The following SETD2 variants were observed in gnomAD, a reference collection of about 807,000 sequenced individuals.
SETD2 encodes SET domain containing 2, histone lysine methyltransferase.
SETD2 carries 31 observed loss-of-function variants against 242.1 expected under a neutral mutation model. The ratio of observed to expected loss-of-function variants is 0.13; its 90% CI spans 0.10 to 0.17. The LOEUF (loss-of-function observed/expected upper bound fraction) is 0.17, where lower values mean the gene tolerates loss of function less well. Among genes scored for constraint, SETD2 ranks in the 10% least tolerant of loss-of-function variants. SETD2 has a pLI of 1.00. For synonymous variants in SETD2, 1,006 were observed against 1,066.5 expected, an observed-to-expected ratio of 0.94 and a Z score of 1.11; for missense variants, 2,481 against 3,046.3, an observed-to-expected ratio of 0.81 and a Z score of 4.37.
At chr3:47,155,838 G>T (rs1011471112) in intron 1 of SETD2, among the ~76,000 whole-genome samples, 43 of 151,692 alleles carry the variant, frequency 2.8e-4, no homozygotes, top group African/African-American at 1.0e-3. Flanking sequence ...TTTTGTTTTT[G>T]TTGTTTTTTT....
chr3:47,148,205 A>T (rs528687537), intron 1 of SETD2, among the ~76,000 whole-genome samples: 2 of 152,078 alleles, frequency 1.3e-5, no homozygotes, highest in South Asian at 4.2e-4. Flanking sequence ...ATCTCAGCTC[A>T]CTGCAACCTC....
At chr3:47,027,408 T>C (rs7637302) in intron 18 of SETD2, among the ~76,000 whole-genome samples, 82,782 of 148,092 alleles carry the variant, frequency 0.56, 23,230 homozygotes, top group Non-Finnish European at 0.58. Flanking sequence ...CCAGGGACTG[T>C]TGTGGGGTGG....
chr3:47,049,304 AATATATAT>A (rs55952850), intron 15 of SETD2, among the ~76,000 whole-genome samples: 4,961 of 107,498 alleles, frequency 0.046, 163 homozygotes, highest in Non-Finnish European at 0.063. Flanking sequence ...AAGTTTTCTA[AATATATAT>A]ATATATATAT....
chr3:47,056,892 G>C lies in SETD2; in HGVS notation c.6892C>G (p.Gln2298Glu), dbSNP rs1372228141. Residue 2298 changes from glutamine to glutamate, a missense_variant, in exon 15 of 21, where the codon CAA becomes GAA. Gln to Glu is a conservative substitution (Grantham distance 29). This residue lies in a region of SETD2 where 235 missense variants were observed against 293.9 expected (regional missense o/e 0.80). Coordinates refer to ENST00000409792, the MANE Select transcript of SETD2 (RefSeq NM_014159.7). ...TAGACTGTTGGACATGTCTGTCCTT[G>C]ATAATATATGGTTGCTTGAGACTGT... is the stretch of plus-strand genomic sequence containing the variant. ...PAQSQATIYY[Q>E]GQTCPTVYGV... The C allele has an allele frequency of 1.9e-6, 3 of 1,614,158 alleles. No homozygotes were observed. The highest frequency in any genetic ancestry group is 2.5e-6 in the Non-Finnish European group (3 of 1,179,948).
chr3:47,158,545 ACTTC>A (rs760343352), intron 1 of SETD2, among the ~76,000 whole-genome samples: 9 of 152,332 alleles, frequency 5.9e-5, no homozygotes, highest in African/African-American at 2.4e-5. Context: ...ATATATTTTC[ACTTC>A]CTTATGATTT....
intron 12 of SETD2, among the ~76,000 whole-genome samples, chr3:47,073,414 T>C (rs6794193): frequency 0.49 from 73,955 of 151,966 alleles, 19,476 homozygotes; most frequent in Non-Finnish European, 0.58. Flanking sequence ...AGAAGGATTA[T>C]GACCTAGCAA....
At chr3:47,117,394 A>G (rs1409770260) in intron 3 of SETD2, among the ~76,000 whole-genome samples, 2 of 152,140 alleles carry the variant, frequency 1.3e-5, no homozygotes, top group African/African-American at 2.4e-5. Flanking sequence ...ACTCCAGGTC[A>G]GCTAAGCCTT....
At position 47,048,472 on chromosome 3, in the gene SETD2, G is replaced by A. The variant is rs575247292; in HGVS notation, c.6964-1851C>T. ...CAGGACTGGAAGTTGCTTTGAGTAA[G>A]TGAGTGGTGAGTGAGTGAATATGAA... On this transcript the variant is annotated intron_variant, in intron 15 of 20. Transcript: ENST00000409792. 2.6e-5 allele frequency among the ~76,000 whole-genome samples: 4 copies of A among 152,298 alleles called. No homozygotes were observed. In the South Asian group the frequency reaches 8.3e-4, roughly 32 times the overall value.
chr3:47,126,214 GTTTCACCATGTT>G (rs1363860158), intron 2 of SETD2, among the ~76,000 whole-genome samples: 1 of 152,104 alleles, frequency 6.6e-6, no homozygotes, highest in Non-Finnish European at 1.5e-5. Flanking sequence ...TAGAGATGGG[GTTTCACCATGTT>G]GGCCAGGCTG....
intron 3 of SETD2, chr3:47,119,785 A>C (rs1327649425): frequency 2.1e-6 from 1 of 471,956 alleles, no homozygotes; most frequent in Non-Finnish European, 4.4e-6. Context: ...TTCATTCTGC[A>C]CATTTTTGAA....
chr3:47,114,664 AG>A lies in SETD2; in HGVS notation c.4587-661del, dbSNP rs569228909. 2.6e-5 allele frequency among the ~76,000 whole-genome samples: 4 copies of A among 152,276 alleles called. No individual in the cohort carries two copies. The South Asian group carries it at 8.3e-4, about 32-fold the overall frequency. ...GAGGCCAAGGCAGGTGGATCACTTG[AG>A]GTCAGGAATTCAAGACCACCCTCGC... On this transcript the variant is annotated intron_variant, in intron 4 of 20. Transcript: ENST00000409792.
rs2043114466 is a variant in SETD2, at chr3:47,122,009, C to T, written c.2627G>A (p.Ser876Asn). 2 of 1,613,898 alleles carry T rather than the reference C, an allele frequency of 1.2e-6. No individual in the cohort carries two copies. Among genetic ancestry groups the T allele is most frequent in the East Asian group, 2.2e-5 (1 of 44,874 alleles). ...HFDDLYQPIG[S>N]SGIASSLQSL... is the part of the protein sequence containing the mutation. ...CTGAAGAGATGAAGCAATACCTGAA[C>T]TCCCAATAGGTTGATATAAATCATC... The change falls in exon 3 of 21, where the codon AGT (serine) becomes AAT (asparagine). Residue 876 changes from serine to asparagine, a missense_variant. Ser to Asn is a conservative substitution (Grantham distance 46). Coordinates refer to ENST00000409792, the MANE Select transcript of SETD2 (RefSeq NM_014159.7).
rs1559748168 is a variant in SETD2, at chr3:47,123,179, G to T, written c.1457C>A (p.Ser486Ter). The T allele has an allele frequency of 6.2e-7, 1 of 1,602,694 alleles. No individual in the cohort carries two copies. The highest frequency in any genetic ancestry group is 8.5e-7 in the Non-Finnish European group (1 of 1,173,268). Residue 486 changes from serine (S) to a stop codon, truncating the protein, a stop_gained, in exon 3 of 21, where the codon TCA becomes TAA. Transcript: ENST00000409792. LOFTEE classifies it high-confidence loss of function. ...HSSSYRDLRTSSYSKSDRDCK... is the reference protein window; with the variant it reads ...HSSSYRDLRT The stretch of plus-strand genomic sequence containing the variant: ...GTCCCGATCAGATTTAGAATAGGAT[G>T]ATGTCCTTAGGTCTCTGTAAGAAGA...
intron 14 of SETD2, among the ~76,000 whole-genome samples, chr3:47,059,268 C>T (rs1203962397): frequency 6.6e-6 from 1 of 151,108 alleles, no homozygotes; most frequent in African/African-American, 2.4e-5. Flanking sequence ...AGGGGTGCAT[C>T]ACCATGCCTG....
intron 9 of SETD2, among the ~76,000 whole-genome samples, chr3:47,093,497 T>A (rs2041886202): frequency 6.6e-6 from 1 of 152,124 alleles, no homozygotes; most frequent in Non-Finnish European, 1.5e-5. Flanking sequence ...TTGGCCAGGC[T>A]GGTCTCGAAC....
At chr3:47,087,208 C>CAAA (rs531462349) in intron 10 of SETD2, among the ~76,000 whole-genome samples, 1 of 93,052 alleles carries the variant, frequency 1.1e-5, no homozygotes. Context: ...TGAATTATTA[C>CAAA]AAAAAAAAAA....
chr3:47,041,826 G>A (rs1179933050), intron 17 of SETD2, among the ~76,000 whole-genome samples: 1 of 152,090 alleles, frequency 6.6e-6, no homozygotes, highest in Non-Finnish European at 1.5e-5. Context: ...AATAATGTGT[G>A]TCAAGGATAA....
intron 12 of SETD2, among the ~76,000 whole-genome samples, chr3:47,081,304 C>A (rs2041307368): frequency 6.6e-6 from 1 of 152,184 alleles, no homozygotes; most frequent in Admixed American, 6.5e-5. Flanking sequence ...GAACACATGT[C>A]CACCAATGTT....
intron 5 of SETD2, among the ~76,000 whole-genome samples, chr3:47,107,814 T>TA (rs60671591): frequency 0.068 from 10,199 of 150,276 alleles, 1,173 homozygotes; most frequent in African/African-American, 0.23. Context: ...TGACAAACAA[T>TA]AAAAAATTAA....
Sources: allele counts gnomAD v4.1 joint callset (sites outside exome capture counted in the v4.1 genomes callset), GRCh38; gene constraint gnomAD v4.1.1; regional missense constraint gnomAD v4.1.1; transcripts MANE v1.5; gene names NCBI Gene and HGNC (gene_info 2026-07-23, HGNC 2026-07-21).